The following NTRK2 variants were observed in gnomAD, a reference collection of about 807,000 sequenced individuals.
NTRK2 encodes BDNF/NT-3 growth factors receptor.
Under a neutral mutation model 94.5 loss-of-function variants are expected in NTRK2, and 13 were observed. That is an observed-to-expected ratio of 0.14 (90% CI 0.09 to 0.22). NTRK2 has a LOEUF of 0.22. Among genes scored for constraint, NTRK2 ranks in the 10% least tolerant of loss-of-function variants. The pLI is 1.00. For missense variants in NTRK2, 639 were observed against 1,071.2 expected, an observed-to-expected ratio of 0.60 and a Z score of 5.63; for synonymous variants, 372 against 407.4, an observed-to-expected ratio of 0.91 and a Z score of 1.05.
intron 12 of NTRK2, among the ~76,000 whole-genome samples, chr9:84,794,445 A>G (rs967853393): frequency 6.6e-6 from 1 of 152,188 alleles, no homozygotes; most frequent in Non-Finnish European, 1.5e-5. Context: ...ATAGCCAAAA[A>G]ACCCCAGTGT....
At chr9:84,829,316 A>G (rs946221341) in intron 12 of NTRK2, among the ~76,000 whole-genome samples, 3 of 152,024 alleles carry the variant, frequency 2.0e-5, no homozygotes, top group African/African-American at 7.2e-5. Flanking sequence ...CAATTTTCAC[A>G]TGAAATTTTC....
In NTRK2 at chr9:85,022,066, C is replaced by G. The variant is rs1447724434; in HGVS notation, c.*629C>G. Reference sequence around the variant, plus strand: ...TGTGTTCAATCTGTGAAGCCTTTATCTATGGGAGATTAAAACCAGAGAGAA... The same window carrying G: ...TGTGTTCAATCTGTGAAGCCTTTATGTATGGGAGATTAAAACCAGAGAGAA... On this transcript the variant is annotated 3_prime_UTR_variant, in exon 19 of 19. Transcript: ENST00000277120. 4.3e-6 allele frequency: 1 copy of G among 233,516 alleles called. No homozygotes were observed. Among genetic ancestry groups the G allele is most frequent in the Non-Finnish European group, 8.4e-6 (1 of 118,406 alleles). The allele number at this position is 233,516 out of a possible 1,614,324, so 14.5% of individuals were successfully genotyped here.
At chr9:84,775,096 T>A (rs1312311238) in intron 12 of NTRK2, among the ~76,000 whole-genome samples, 1 of 152,238 alleles carries the variant, frequency 6.6e-6, no homozygotes, top group African/African-American at 2.4e-5. Flanking sequence ...ATTAATCTCT[T>A]TGGGCTGATG....
rs76298131 is a variant in NTRK2 at position 84,843,688 on chromosome 9, C to A, written c.1397-17352C>A. Among the ~76,000 whole-genome samples, 116 of 152,262 alleles carry A rather than the reference C, an allele frequency of 7.6e-4. 4 individuals are homozygous for A. In the East Asian group the frequency reaches 0.022, roughly 28 times the overall value. Reference sequence around the variant, plus strand: ...TTGCAACGCCTCAGCCCTGTGCAGACCTGCTGTAGGGGTAGAGGCTTTATG... The same window carrying A: ...TTGCAACGCCTCAGCCCTGTGCAGAACTGCTGTAGGGGTAGAGGCTTTATG... On this transcript the variant is annotated intron_variant, in intron 12 of 18. Coordinates refer to ENST00000277120, the MANE Select transcript of NTRK2 (RefSeq NM_006180.6).
chr9:84,684,217 G>A (rs969492293), intron 2 of NTRK2, among the ~76,000 whole-genome samples: 1 of 152,038 alleles, frequency 6.6e-6, no homozygotes, highest in Non-Finnish European at 1.5e-5. Context: ...CATTTGTCAA[G>A]TTTGGCTTTC....
At chr9:84,708,255 G>A (rs2061229282) in intron 5 of NTRK2, among the ~76,000 whole-genome samples, 1 of 152,148 alleles carries the variant, frequency 6.6e-6, no homozygotes, top group Non-Finnish European at 1.5e-5. Flanking sequence ...TCACAGCTCT[G>A]GTTTGGTTCC....
chr9:84,864,100 G>T (rs1250550534), intron 13 of NTRK2, among the ~76,000 whole-genome samples: 2 of 152,144 alleles, frequency 1.3e-5, no homozygotes, highest in Non-Finnish European at 2.9e-5. Context: ...CTGAATTTGG[G>T]AATCTCAAGT....
At chr9:84,834,384 G>A (rs1165296860) in intron 12 of NTRK2, among the ~76,000 whole-genome samples, 1 of 152,096 alleles carries the variant, frequency 6.6e-6, no homozygotes, top group Non-Finnish European at 1.5e-5. Context: ...GTTAATAACA[G>A]GTCTCCAGGA....
At chr9:84,870,097 C>CTATA (rs67434914) in intron 14 of NTRK2, among the ~76,000 whole-genome samples, 9,719 of 99,338 alleles carry the variant, frequency 0.098, 654 homozygotes, top group African/African-American at 0.19. Flanking sequence ...TTCCCATTGA[C>CTATA]TATATATATA....
intron 12 of NTRK2, among the ~76,000 whole-genome samples, chr9:84,796,723 A>G (rs767791175): frequency 5.9e-5 from 9 of 152,242 alleles, no homozygotes; most frequent in Non-Finnish European, 1.3e-4. Context: ...GGTATCTTTC[A>G]TGAACAAAGG....
chr9:84,902,223 A>G (rs922017295), intron 14 of NTRK2, among the ~76,000 whole-genome samples: 1 of 152,038 alleles, frequency 6.6e-6, no homozygotes, highest in Non-Finnish European at 1.5e-5. Flanking sequence ...AATTAAAAAA[A>G]AAAAAGACTG....
chr9:84,721,043 C>G (rs2062025730), intron 6 of NTRK2, among the ~76,000 whole-genome samples: 1 of 152,066 alleles, frequency 6.6e-6, no homozygotes, highest in South Asian at 2.1e-4. Flanking sequence ...CATTTTTTTC[C>G]TTTCATAGTG....
intron 14 of NTRK2, among the ~76,000 whole-genome samples, chr9:84,922,186 T>G (rs761313559): frequency 9.2e-5 from 14 of 152,226 alleles, no homozygotes; most frequent in Non-Finnish European, 1.6e-4. Flanking sequence ...TGTTCTTTCA[T>G]GCGGACACGT....
intron 14 of NTRK2, among the ~76,000 whole-genome samples, chr9:84,909,452 G>A (rs536419666): frequency 6.6e-6 from 1 of 152,106 alleles, no homozygotes; most frequent in South Asian, 2.1e-4. Flanking sequence ...CAATTACTCG[G>A]TGGTAGGGTA....
intron 12 of NTRK2, among the ~76,000 whole-genome samples, chr9:84,762,999 G>C (rs1345110568): frequency 6.6e-6 from 1 of 152,128 alleles, no homozygotes; most frequent in Non-Finnish European, 1.5e-5. Context: ...TCAAGTCATA[G>C]GTGTACCATC....
chr9:84,965,792 GA>G (rs1177813416), intron 17 of NTRK2, among the ~76,000 whole-genome samples: 1 of 152,088 alleles, frequency 6.6e-6, no homozygotes, highest in African/African-American at 2.4e-5. Context: ...GGGTCTTCAG[GA>G]TGAAAATTAC....
chr9:84,874,398 T>C, intron 14 of NTRK2: 14 of 1,065,558 alleles, frequency 1.3e-5, no homozygotes, highest in Non-Finnish European at 1.6e-5. Context: ...CTTTTCTCTG[T>C]CTTTACTAAT....
At chr9:84,677,646 C>T (rs2059142045) in intron 2 of NTRK2, among the ~76,000 whole-genome samples, 1 of 152,114 alleles carries the variant, frequency 6.6e-6, no homozygotes, top group Non-Finnish European at 1.5e-5. Context: ...GGGGTAGGAT[C>T]CTATCTAATG....
chr9:84,877,255 T>A, intron 14 of NTRK2: 1 of 1,065,864 alleles, frequency 9.4e-7, no homozygotes. Flanking sequence ...TCCTCTTTAG[T>A]TCTCTTTGAG....
Sources: allele counts gnomAD v4.1 joint callset (sites outside exome capture counted in the v4.1 genomes callset), GRCh38; gene constraint gnomAD v4.1.1; transcripts MANE v1.5; gene names NCBI Gene and HGNC (gene_info 2026-07-23, HGNC 2026-07-21).